Variants in PDE3B observed in about 807,000 individuals in gnomAD.
The protein encoded by PDE3B is cGMP-inhibited 3',5'-cyclic phosphodiesterase 3B.
Under a neutral mutation model 116.8 loss-of-function variants are expected in PDE3B, and 66 were observed. That is an observed-to-expected ratio of 0.56 (90% confidence interval 0.46 to 0.69). PDE3B has a LOEUF of 0.69. Among genes scored for constraint, PDE3B ranks in the 30% least tolerant of loss-of-function variants. PDE3B has a pLI of 0.00. For missense variants in PDE3B, 1,384 were observed against 1,368.1 expected (o/e 1.01, Z -0.18); for synonymous variants, 595 against 533.6 (o/e 1.12, Z -1.59).
intron 1 of PDE3B, among the ~76,000 whole-genome samples, chr11:14,761,965 A>G (rs192842469): frequency 4.3e-4 from 66 of 151,864 alleles, no homozygotes; most frequent in African/African-American, 1.5e-3. Context: ...TTTTTTGTTA[A>G]TTTTCTTTAA....
At chr11:14,735,150 C>T (rs959768143) in intron 1 of PDE3B, among the ~76,000 whole-genome samples, 2 of 152,084 alleles carry the variant, frequency 1.3e-5, no homozygotes, top group Non-Finnish European at 2.9e-5. Flanking sequence ...GATCATAATG[C>T]TTGAGAAGGA....
intron 7 of PDE3B, among the ~76,000 whole-genome samples, chr11:14,821,889 A>G (rs923900958): frequency 6.6e-6 from 1 of 151,940 alleles, no homozygotes; most frequent in Non-Finnish European, 1.5e-5. Context: ...CTCAACTCCA[A>G]TGATTACTCT....
chr11:14,817,178 A>C (rs1002096861), intron 5 of PDE3B, among the ~76,000 whole-genome samples: 1 of 152,120 alleles, frequency 6.6e-6, no homozygotes, highest in Non-Finnish European at 1.5e-5. Context: ...TGAGCAAGCT[A>C]TCGCAAGGAC....
At chr11:14,895,373 A>G in the PDE3B span, among the ~76,000 whole-genome samples, 759 of 152,310 alleles carry the variant, frequency 5.0e-3, 5 homozygotes, top group African/African-American at 0.017. Flanking sequence ...TAAAAATTTG[A>G]TGTCTTGTTC....
chr11:14,666,149 C>G (rs1035205575), intron 1 of PDE3B, among the ~76,000 whole-genome samples: 5 of 148,800 alleles, frequency 3.4e-5, no homozygotes, highest in Non-Finnish European at 7.5e-5. Flanking sequence ...ACTATCTGAT[C>G]TTTGACAAAC....
In PDE3B at chr11:14,731,255, ATTTTTTTT is replaced by A. The variant is rs778089171; in HGVS notation, c.979-40668_979-40661del. Among the ~76,000 whole-genome samples the A allele has an allele frequency of 3.3e-5, 4 of 121,106 alleles. No individual in the cohort carries two copies. In the East Asian group the frequency reaches 9.6e-4, roughly 29 times the overall value. The allele number at this position is 121,106 out of a possible 152,430, so 79.5% of individuals were successfully genotyped here. ...TAAAGTTTTAAAGCATTTTACTTTG[ATTTTTTTT>A]TTTTTTTTTTTTTGAGACAGAGTCT... On this transcript the variant is annotated intron_variant, in intron 1 of 15. Transcript: ENST00000282096.
Position 14,717,943 on chromosome 11 carries a change from A to G in PDE3B, c.979-53994A>G, listed in dbSNP as rs1192847944. Among the ~76,000 whole-genome samples, 67 of 146,762 alleles carry G rather than the reference A, an allele frequency of 4.6e-4. No individual in the cohort carries two copies. The South Asian group carries it at 0.012, about 26-fold the overall frequency. ...CAATATTAACTTTAAATGTAAATGG[A>G]CTAAATGCTCCAATTAAAAGACACA... On this transcript the variant is annotated intron_variant, in intron 1 of 15. Coordinates refer to ENST00000282096, the MANE Select transcript of PDE3B (RefSeq NM_000922.4).
chr11:14,852,796 C>T (rs1019740961), intron 12 of PDE3B, among the ~76,000 whole-genome samples: 1 of 152,286 alleles, frequency 6.6e-6, no homozygotes, highest in Non-Finnish European at 1.5e-5. Flanking sequence ...CGCTGTGGCT[C>T]ACACCTGTAA....
intron 1 of PDE3B, among the ~76,000 whole-genome samples, chr11:14,738,001 CT>C (rs1365100214): frequency 6.6e-6 from 1 of 152,128 alleles, no homozygotes; most frequent in Non-Finnish European, 1.5e-5. Context: ...GCCACATTTT[CT>C]TAATCCAGTC....
chr11:14,665,582 A>G (rs1294337124), intron 1 of PDE3B, among the ~76,000 whole-genome samples: 1 of 152,232 alleles, frequency 6.6e-6, no homozygotes, highest in Admixed American at 6.5e-5. Context: ...TCAGGATACA[A>G]AGTCAATGTA....
At chr11:14,770,510 A>C (rs1005803866) in intron 1 of PDE3B, among the ~76,000 whole-genome samples, 2 of 151,610 alleles carry the variant, frequency 1.3e-5, no homozygotes, top group African/African-American at 4.8e-5. Flanking sequence ...GAAGCTATTA[A>C]CATCTTAATT....
At chr11:14,880,795 T>C in the PDE3B span, 1 of 1,581,260 alleles carries the variant, frequency 6.3e-7, no homozygotes, top group South Asian at 1.2e-5. Flanking sequence ...AAATATTGTA[T>C]AATTCCTACT....
intron 5 of PDE3B, among the ~76,000 whole-genome samples, chr11:14,810,065 A>G (rs1859074971): frequency 1.3e-5 from 2 of 152,178 alleles, no homozygotes; most frequent in African/African-American, 4.8e-5. Flanking sequence ...GGTGTTCAAA[A>G]TGGGAATTAA....
At chr11:14,685,351 A>G (rs1854839550) in intron 1 of PDE3B, among the ~76,000 whole-genome samples, 1 of 151,334 alleles carries the variant, frequency 6.6e-6, no homozygotes, top group Non-Finnish European at 1.5e-5. Flanking sequence ...TGGGATATGA[A>G]TGTTCTATAT....
Position 14,644,624 on chromosome 11 carries a change from C to A in PDE3B, c.549C>A (p.Ser183=). 1 of 1,524,110 alleles carries A rather than the reference C, an allele frequency of 6.6e-7. No individual in the cohort carries two copies. Among genetic ancestry groups the A allele is most frequent in the African/African-American group, 1.4e-5 (1 of 72,600 alleles). The allele number at this position is 1,524,110 out of a possible 1,614,324, so 94.4% of individuals were successfully genotyped here. ...SWPWGDGDAG[S]AAPHTPPEAA... ...CTTGGGGGGATGGCGACGCAGGGTC[C>A]GCGGCCCCGCACACGCCCCCGGAGG... The change falls in exon 1 of 16, where the codon TCC becomes TCA. Residue 183 remains serine, a synonymous_variant. Transcript: ENST00000282096.
At chr11:14,722,738 T>G (rs1856159750) in intron 1 of PDE3B, among the ~76,000 whole-genome samples, 1 of 152,168 alleles carries the variant, frequency 6.6e-6, no homozygotes, top group African/African-American at 2.4e-5. Context: ...ATGAGAGAAC[T>G]TGAACCAGAG....
chr11:14,662,652 G>A (rs923699701), intron 1 of PDE3B, among the ~76,000 whole-genome samples: 16 of 152,330 alleles, frequency 1.1e-4, no homozygotes, highest in East Asian at 5.8e-4. Flanking sequence ...CGAGAACTAC[G>A]TGAAGAATGC....
chr11:14,674,189 C>T (rs1384713181), intron 1 of PDE3B: 6 of 1,262,876 alleles, frequency 4.8e-6, no homozygotes, highest in Non-Finnish European at 4.6e-6. Flanking sequence ...GTACTGCCAC[C>T]ATCTCCATTT....
chr11:14,754,331 CATT>C (rs896565734), intron 1 of PDE3B, among the ~76,000 whole-genome samples: 2 of 151,976 alleles, frequency 1.3e-5, no homozygotes, highest in African/African-American at 4.8e-5. Flanking sequence ...CAAGAGAACT[CATT>C]ATTATTAATA....
Sources: allele counts gnomAD v4.1 joint callset (sites outside exome capture counted in the v4.1 genomes callset), GRCh38; gene constraint gnomAD v4.1.1; transcripts MANE v1.5; gene names NCBI Gene and HGNC (gene_info 2026-07-23, HGNC 2026-07-21).